MTHFD2L: variants seen among roughly 807,000 people sequenced by gnomAD.
MTHFD2L encodes methylenetetrahydrofolate dehydrogenase (NADP+ dependent) 2 like.
Under a neutral mutation model 34.9 loss-of-function variants are expected in MTHFD2L, and 29 were observed. The ratio of observed to expected loss-of-function variants is 0.83; its 90% CI spans 0.62 to 1.13. The LOEUF (loss-of-function observed/expected upper bound fraction) is 1.13. Ranked by LOEUF, MTHFD2L falls within the 50% of genes most tolerant of loss-of-function variation. The pLI is 0.00. For synonymous variants in MTHFD2L, 167 were observed against 155.7 expected (o/e 1.07, Z -0.54); for missense variants, 481 against 446.5 (o/e 1.08, Z -0.70).
intron 1 of MTHFD2L, among the ~76,000 whole-genome samples, chr4:74,166,447 T>C (rs1225642692): frequency 6.6e-6 from 1 of 152,272 alleles, no homozygotes; most frequent in African/African-American, 2.4e-5. Context: ...TGAGCTATGA[T>C]TTTTTAAATT....
In MTHFD2L at chr4:74,281,663, C is replaced by T. The variant is rs1052383766; in HGVS notation, c.931+113C>T. On this transcript the variant is annotated intron_variant, in intron 7 of 7. Coordinates refer to ENST00000325278, the MANE Select transcript of MTHFD2L (RefSeq NM_001144978.3). ...GGAATTATTAACTTATTAATCATCA[C>T]CTCTTTCTTCTGAGGGAAAAGATTT... is the stretch of plus-strand genomic sequence containing the variant. The T allele has an allele frequency of 1.3e-5, 14 of 1,037,850 alleles. No homozygotes were observed. The African/African-American group carries it at 2.1e-4, about 16-fold the overall frequency. 64.3% of individuals were successfully genotyped at this position (1,037,850 alleles called of 1,614,324 possible). A position where few individuals can be genotyped will look rare whatever the true frequency, so the allele number is the denominator to read the frequency against.
At chr4:74,124,495 T>C (rs979303543), upstream of MTHFD2L, among the ~76,000 whole-genome samples, 52 of 151,318 alleles carry the variant, frequency 3.4e-4, no homozygotes, top group African/African-American at 1.1e-3. Context: ...TATATTTATA[T>C]ATTAGTTTTT....
upstream of MTHFD2L, among the ~76,000 whole-genome samples, chr4:74,122,938 T>A (rs1297452629): frequency 1.3e-5 from 2 of 152,192 alleles, no homozygotes; most frequent in Non-Finnish European, 2.9e-5. Flanking sequence ...GGCAAAAAAA[T>A]TCTGGAATTC....
intron 3 of MTHFD2L, among the ~76,000 whole-genome samples, chr4:74,175,701 G>A (rs1241652715): frequency 6.6e-6 from 1 of 151,878 alleles, no homozygotes; most frequent in Non-Finnish European, 1.5e-5. Flanking sequence ...AATAATCAAA[G>A]GTAAAAATAA....
At position 74,167,178 on chromosome 4, in the gene MTHFD2L, C is replaced by T. The variant is rs1726900482; in HGVS notation, c.144-7328C>T. 2.0e-5 allele frequency among the ~76,000 whole-genome samples: 3 copies of T among 152,224 alleles called. 1 individual carries two copies. The highest frequency in any genetic ancestry group is 7.2e-5 in the African/African-American group (3 of 41,454). ...CTGTGAGTTGAAGCATTAGGCCCAC[C>T]ACCTGCTGACCTAGGCATCACCTGC... On this transcript the variant is annotated intron_variant, in intron 1 of 7. Coordinates refer to ENST00000325278, the MANE Select transcript of MTHFD2L (RefSeq NM_001144978.3).
chr4:74,214,273 T>C (rs1431006334), intron 5 of MTHFD2L, among the ~76,000 whole-genome samples: 2 of 151,858 alleles, frequency 1.3e-5, no homozygotes. Flanking sequence ...TTGTGATCCT[T>C]TGGAGTAGAA....
At chr4:74,270,023 T>A (rs184929353) in intron 6 of MTHFD2L, among the ~76,000 whole-genome samples, 100 of 152,250 alleles carry the variant, frequency 6.6e-4, no homozygotes, top group African/African-American at 2.3e-3. Context: ...AATATTCTAT[T>A]TACGGACCTA....
chr4:74,124,328 T>A (rs1198622259), upstream of MTHFD2L, among the ~76,000 whole-genome samples: 3 of 151,974 alleles, frequency 2.0e-5, no homozygotes, highest in African/African-American at 7.2e-5. Flanking sequence ...TGTTTCTGTT[T>A]ATTCTTTCTG....
intron 6 of MTHFD2L, among the ~76,000 whole-genome samples, chr4:74,259,284 C>G (rs759518754): frequency 5.3e-5 from 8 of 152,156 alleles, no homozygotes; most frequent in Non-Finnish European, 4.4e-5. Context: ...CACCCAGCAC[C>G]CACTCATAGG....
At chr4:74,201,959 A>G (rs1734513631) in intron 5 of MTHFD2L, among the ~76,000 whole-genome samples, 1 of 152,198 alleles carries the variant, frequency 6.6e-6, no homozygotes. Flanking sequence ...GCAGTCTAAT[A>G]GCTAGATACA....
intron 6 of MTHFD2L, among the ~76,000 whole-genome samples, chr4:74,233,012 T>C (rs2110144784): frequency 7.1e-6 from 1 of 140,654 alleles, no homozygotes; most frequent in East Asian, 2.1e-4. Context: ...ATCGTATTGG[T>C]CTTAAGTTTA....
rs1449577855 is a variant in MTHFD2L, at chr4:74,161,154, C to G, written c.143+2873C>G. 3 of 152,236 alleles carry G rather than the reference C, an allele frequency of 2.0e-5. No individual in the cohort carries two copies. The East Asian group carries it at 5.8e-4, about 29-fold the overall frequency. 9.4% of individuals were successfully genotyped at this position (152,236 alleles called of 1,614,324 possible). A position where few individuals can be genotyped will look rare whatever the true frequency, so the allele number is the denominator to read the frequency against. On this transcript the variant is annotated intron_variant, in intron 1 of 7. Coordinates refer to ENST00000325278, the MANE Select transcript of MTHFD2L (RefSeq NM_001144978.3). The stretch of plus-strand genomic sequence containing the variant: ...ACTGGCATCGGCTGTATAATTTTTG[C>G]AGCTAGACCACATTTTAAAAAAATC...
chr4:74,216,283 A>C (rs949649732), intron 5 of MTHFD2L, among the ~76,000 whole-genome samples: 2 of 151,762 alleles, frequency 1.3e-5, no homozygotes, highest in African/African-American at 4.9e-5. Context: ...CAACTTTTAA[A>C]CCAGCAGTTC....
chr4:74,238,984 G>A (rs1222925476), intron 6 of MTHFD2L, among the ~76,000 whole-genome samples: 1 of 152,120 alleles, frequency 6.6e-6, no homozygotes, highest in African/African-American at 2.4e-5. Flanking sequence ...CCCATTACTG[G>A]GTATACACCC....
intron 1 of MTHFD2L, chr4:74,160,193 T>C (rs773841965): frequency 1.1e-6 from 1 of 880,328 alleles, no homozygotes; most frequent in South Asian, 1.5e-5. Context: ...GTGGTTTAAG[T>C]CTGACATCTT....
chr4:74,235,581 A>G (rs959404195), intron 6 of MTHFD2L, among the ~76,000 whole-genome samples: 3 of 152,164 alleles, frequency 2.0e-5, no homozygotes, highest in Non-Finnish European at 4.4e-5. Flanking sequence ...AGTCATTAAT[A>G]TCAGGGATAT....
At position 74,215,188 on chromosome 4, in the gene MTHFD2L, G is replaced by GC. The variant is rs1214632982; in HGVS notation, c.713-10108dup. ...TAGACCACTTGGCTCCCTGGCTTCA[G>GC]CCCCCCAGAGTGAACGGTTCTGTCT... On this transcript the variant is annotated intron_variant, in intron 5 of 7. Transcript: ENST00000325278. Among the ~76,000 whole-genome samples the GC allele has an allele frequency of 5.3e-5, 8 of 151,648 alleles. No individual in the cohort carries two copies. The South Asian group carries it at 1.5e-3, about 28-fold the overall frequency.
At chr4:74,116,461 A>T (rs535289781) in intron 2 of MTHFD2L, among the ~76,000 whole-genome samples, 19 of 152,306 alleles carry the variant, frequency 1.2e-4, no homozygotes, top group African/African-American at 4.3e-4. Context: ...AGCAGTCCTA[A>T]TCAACTTGAT....
intron 5 of MTHFD2L, among the ~76,000 whole-genome samples, chr4:74,210,550 T>C (rs993153498): frequency 1.3e-5 from 2 of 152,236 alleles, no homozygotes; most frequent in Admixed American, 6.5e-5. Context: ...CATTGGTCTA[T>C]ATATCTGTTT....
Sources: allele counts gnomAD v4.1 joint callset (sites outside exome capture counted in the v4.1 genomes callset), GRCh38; gene constraint gnomAD v4.1.1; transcripts MANE v1.5; gene names NCBI Gene and HGNC (gene_info 2026-07-23, HGNC 2026-07-21).